MACROD2: variants seen among roughly 807,000 people sequenced by gnomAD.
MACROD2 encodes mono-ADP ribosylhydrolase 2, also known as ADP-ribose glycohydrolase MACROD2.
Under a neutral mutation model 70.4 loss-of-function variants are expected in MACROD2, and 36 were observed. The ratio of observed to expected loss-of-function variants is 0.51; its 90% CI spans 0.39 to 0.68. The LOEUF is 0.68. Ranked by LOEUF, MACROD2 falls within the 30% of genes least tolerant of loss-of-function variation. The probability of loss-of-function intolerance (pLI) is 0.00; values close to 1 mark genes in which losing one functional copy is unlikely to be tolerated. For synonymous variants in MACROD2, 172 were observed against 178.8 expected (o/e 0.96, Z 0.30); for missense variants, 496 against 538.4 (o/e 0.92, Z 0.78).
intron 2 of MACROD2, among the ~76,000 whole-genome samples, chr20:14,022,548 C>T (rs1243756305): frequency 5.9e-5 from 9 of 151,728 alleles, no homozygotes; most frequent in South Asian, 2.1e-4. Flanking sequence ...CCCATCAACC[C>T]GTCATCTACA....
intron 9 of MACROD2, among the ~76,000 whole-genome samples, chr20:15,867,724 C>T (rs2064513858): frequency 6.6e-6 from 1 of 151,988 alleles, no homozygotes; most frequent in South Asian, 2.1e-4. Context: ...AGTCTTAGTC[C>T]TGCTAGAGAA....
chr20:15,205,881 G>T (rs2076697088), intron 5 of MACROD2, among the ~76,000 whole-genome samples: 1 of 152,222 alleles, frequency 6.6e-6, no homozygotes, highest in African/African-American at 2.4e-5. Flanking sequence ...AAAAGCAAAT[G>T]AGCTGAGACA....
chr20:14,953,105 G>GA (rs908441158), intron 5 of MACROD2, among the ~76,000 whole-genome samples: 3 of 150,944 alleles, frequency 2.0e-5, no homozygotes, highest in African/African-American at 7.3e-5. Flanking sequence ...TAATAGACCA[G>GA]AAAAAAAAGG....
chr20:14,016,927 A>G (rs1318704894), intron 2 of MACROD2, among the ~76,000 whole-genome samples: 1 of 151,996 alleles, frequency 6.6e-6, no homozygotes, highest in African/African-American at 2.4e-5. Context: ...TCTGTAGATC[A>G]TTTTGGGTAG....
At chr20:16,035,215 A>G (rs1022813977) in intron 15 of MACROD2, among the ~76,000 whole-genome samples, 2 of 142,528 alleles carry the variant, frequency 1.4e-5, no homozygotes, top group Non-Finnish European at 3.0e-5. Context: ...AATATTATAT[A>G]TTATATATAT....
intron 6 of MACROD2, among the ~76,000 whole-genome samples, chr20:15,233,965 ATTTTTATATATATTTATT>A (rs1316422337): frequency 0.014 from 637 of 46,572 alleles, 33 homozygotes; most frequent in African/African-American, 0.039. Flanking sequence ...CAAAAAATTT[ATTTTTATATATATTTATT>A]TATATATATA....
intron 5 of MACROD2, among the ~76,000 whole-genome samples, chr20:14,973,225 C>CTTTT (rs1223038135): frequency 2.7e-4 from 23 of 85,734 alleles, no homozygotes; most frequent in South Asian, 1.8e-3. Context: ...TGAGTAGTTG[C>CTTTT]TTTTTTTTTT....
At chr20:15,154,841 T>C (rs1277509206) in intron 5 of MACROD2, among the ~76,000 whole-genome samples, 1 of 152,156 alleles carries the variant, frequency 6.6e-6, no homozygotes, top group African/African-American at 2.4e-5. Flanking sequence ...TGCATCACTC[T>C]CAAAAGTAAA....
chr20:15,067,311 T>G (rs995011623), intron 5 of MACROD2, among the ~76,000 whole-genome samples: 43 of 152,128 alleles, frequency 2.8e-4, no homozygotes, highest in African/African-American at 9.7e-4. Context: ...TTAAAAATAA[T>G]TGATTTTGAT....
At chr20:15,756,598 T>G (rs1239459484) in intron 8 of MACROD2, among the ~76,000 whole-genome samples, 1 of 152,062 alleles carries the variant, frequency 6.6e-6, no homozygotes. Context: ...CGTCATAAAA[T>G]GGGGGTGGGT....
chr20:14,864,802 GTA>G (rs1242367831), intron 5 of MACROD2, among the ~76,000 whole-genome samples: 1 of 152,054 alleles, frequency 6.6e-6, no homozygotes, highest in East Asian at 1.9e-4. Context: ...AAAAAAAACA[GTA>G]GTATGTTAAG....
intron 3 of MACROD2, among the ~76,000 whole-genome samples, chr20:14,305,541 T>C (rs2082512656): frequency 6.6e-6 from 1 of 152,128 alleles, no homozygotes; most frequent in African/African-American, 2.4e-5. Flanking sequence ...GTGGTTACTC[T>C]ATTTCTTGAT....
chr20:14,926,338 A>C (rs1440287760), intron 5 of MACROD2, among the ~76,000 whole-genome samples: 3 of 152,078 alleles, frequency 2.0e-5, no homozygotes, highest in Non-Finnish European at 4.4e-5. Context: ...TCATGAGGTC[A>C]AGAGATCAAG....
Position 15,206,187 on chromosome 20 carries a change from G to A in MACROD2, c.419-23753G>A, listed in dbSNP as rs151081077. On this transcript the variant is annotated intron_variant, in intron 5 of 17. Transcript: ENST00000684519. The stretch of plus-strand genomic sequence containing the variant: ...GTGGTTTAGGTATAAATATTTTATT[G>A]AATATATTGGTTCATTTCCAAATAT... Among the ~76,000 whole-genome samples, 530 of 152,030 alleles carry A rather than the reference G, an allele frequency of 3.5e-3. 3 individuals are homozygous for A. Among genetic ancestry groups the A allele is most frequent in the South Asian group, 6.0e-3 (29 of 4,804 alleles).
chr20:15,915,876 T>G (rs1401517882), intron 10 of MACROD2, among the ~76,000 whole-genome samples: 3 of 152,130 alleles, frequency 2.0e-5, no homozygotes, highest in African/African-American at 7.2e-5. Flanking sequence ...GCTAATTCTT[T>G]GTAGGCAATA....
chr20:16,023,258 G>A (rs535928791), intron 15 of MACROD2, among the ~76,000 whole-genome samples: 21 of 151,746 alleles, frequency 1.4e-4, no homozygotes, highest in Non-Finnish European at 2.2e-4. Flanking sequence ...GGCAGATTAC[G>A]AGGTCAGGAG....
chr20:14,752,572 T>A (rs969845489), intron 5 of MACROD2, among the ~76,000 whole-genome samples: 13 of 152,268 alleles, frequency 8.5e-5, no homozygotes, highest in African/African-American at 3.1e-4. Context: ...CCCCATCTGA[T>A]CTGTTCTCTG....
At chr20:15,138,262 T>C (rs1344065068) in intron 5 of MACROD2, among the ~76,000 whole-genome samples, 1 of 152,180 alleles carries the variant, frequency 6.6e-6, no homozygotes, top group Non-Finnish European at 1.5e-5. Context: ...TATTTTGTTT[T>C]ATAAATATTT....
intron 8 of MACROD2, among the ~76,000 whole-genome samples, chr20:15,631,797 G>A (rs953009399): frequency 6.6e-6 from 1 of 152,172 alleles, no homozygotes; most frequent in Admixed American, 6.5e-5. Flanking sequence ...CTTACCTGCA[G>A]ACATTTTGAT....
Sources: gnomAD v4.1 joint callset for allele counts (sites outside exome capture counted in the v4.1 genomes callset) on GRCh38, gnomAD v4.1.1 for gene constraint, MANE v1.5 for transcripts, NCBI Gene and HGNC (gene_info 2026-07-23, HGNC 2026-07-21) for gene names.